NUP133: variants seen among roughly 807,000 people sequenced by gnomAD.
NUP133 encodes the protein nuclear pore complex protein Nup133.
A neutral mutation model predicts 146.2 loss-of-function variants in NUP133; 66 were observed. That is an observed-to-expected ratio of 0.45 (90% CI 0.37 to 0.55). The LOEUF (loss-of-function observed/expected upper bound fraction) is 0.55, where lower values mean the gene tolerates loss of function less well. NUP133 is among the 20% of genes least tolerant of loss of function. The pLI is 0.00. For synonymous variants in NUP133, 521 were observed against 498.8 expected (o/e 1.04, Z -0.59); for missense variants, 1,277 against 1,374.8 (o/e 0.93, Z 1.12).
At chr1:229,452,749 G>T in intron 21 of NUP133, 106 bp from the exon 22 acceptor site, 1 of 709,958 alleles carries the variant, frequency 1.4e-6, no homozygotes, top group Non-Finnish European at 2.3e-6. Context: ...GAAAAAAATA[G>T]CTCCAGAGGT....
chr1:229,504,345 T>G (rs370850881), intron 2 of NUP133, among the ~76,000 whole-genome samples: 1 of 152,192 alleles, frequency 6.6e-6, no homozygotes, highest in African/African-American at 2.4e-5. Context: ...TGAAAAATAC[T>G]GTTCCAGAAA....
rs537541035 is a variant in NUP133 at position 229,508,165 on chromosome 1, G to T, written c.85C>A (p.Pro29Thr). Reference sequence around the variant, plus strand: ...AGACCCTTCCTGCTAGCCGTCCGGGGCGTGGAGCCGGGCCCGAGTCCGGCC... The same window carrying T: ...AGACCCTTCCTGCTAGCCGTCCGGGTCGTGGAGCCGGGCCCGAGTCCGGCC... ...PLAGLGPGSTPRTASRKGLPL... is the reference protein window; with the variant it reads ...PLAGLGPGSTTRTASRKGLPL... The change falls in exon 1 of 26, where the codon CCC becomes ACC. Residue 29 changes from proline (P) to threonine (T), a missense_variant. Transcript: ENST00000261396. 1.9e-6 allele frequency: 3 copies of T among 1,593,704 alleles called. No individual in the cohort carries two copies. The highest frequency in any genetic ancestry group is 2.6e-6 in the Non-Finnish European group (3 of 1,171,738).
chr1:229,486,031 G>A (rs1195303824), intron 11 of NUP133, among the ~76,000 whole-genome samples: 8 of 151,976 alleles, frequency 5.3e-5, no homozygotes, highest in African/African-American at 1.7e-4. Context: ...GTGAGATGGC[G>A]CATGTCTGTA....
intron 11 of NUP133, among the ~76,000 whole-genome samples, chr1:229,484,957 C>A (rs1437816507): frequency 1.3e-5 from 2 of 152,062 alleles, no homozygotes; most frequent in Non-Finnish European, 2.9e-5. Context: ...TACACTTAAT[C>A]ACTTTAATTT....
At chr1:229,498,432 T>C (rs1039419267) in intron 5 of NUP133, 126 bp from the exon 6 acceptor site, 19 of 607,418 alleles carry the variant, frequency 3.1e-5, no homozygotes, top group African/African-American at 2.9e-4. Context: ...AAATAGAACG[T>C]TGTTATTTTA....
intron 4 of NUP133, 146 bp downstream of exon 4, chr1:229,500,610 T>C (rs1661771933): frequency 5.6e-6 from 3 of 535,348 alleles, no homozygotes; most frequent in Non-Finnish European, 1.0e-5. Context: ...CACTGACCTA[T>C]GTGTGTAGCT....
chr1:229,469,628 G>C (rs1287947781), intron 15 of NUP133, among the ~76,000 whole-genome samples: 1 of 152,240 alleles, frequency 6.6e-6, no homozygotes, highest in East Asian at 1.9e-4. Context: ...AGAGAAAGCA[G>C]TTGGACAGGA....
chr1:229,501,834 T>C (rs1661808490), intron 3 of NUP133, among the ~76,000 whole-genome samples, 165 bp downstream of exon 3: 1 of 152,202 alleles, frequency 6.6e-6, no homozygotes, highest in African/African-American at 2.4e-5. Flanking sequence ...TACACAAATG[T>C]GTATGCATGC....
intron 2 of NUP133, among the ~76,000 whole-genome samples, chr1:229,502,429 C>T (rs1055850090): frequency 6.6e-6 from 1 of 151,554 alleles, no homozygotes; most frequent in Non-Finnish European, 1.5e-5. Flanking sequence ...TGTGGTGGCA[C>T]GTGCCTGTAG....
Position 229,440,628 on chromosome 1 carries a change from G to C in NUP133, c.*1276C>G, listed in dbSNP as rs187678158. ...ACGTAAAAGCAAAGCCTCATCTTACGATACAAGTACTCAGCGGTTTCTTAC... is the reference window on the plus strand; with the variant it reads ...ACGTAAAAGCAAAGCCTCATCTTACCATACAAGTACTCAGCGGTTTCTTAC... On this transcript the variant is annotated 3_prime_UTR_variant, in exon 26 of 26. Transcript: ENST00000261396. The C allele has an allele frequency of 1.3e-5, 2 of 152,248 alleles. No homozygotes were observed. Among genetic ancestry groups the C allele is most frequent in the Non-Finnish European group, 2.9e-5 (2 of 68,084 alleles). 9.4% of individuals were successfully genotyped at this position (152,248 alleles called of 1,614,324 possible).
chr1:229,461,978 G>C (rs1660703108), intron 19 of NUP133, among the ~76,000 whole-genome samples: 1 of 151,666 alleles, frequency 6.6e-6, no homozygotes, highest in Non-Finnish European at 1.5e-5. Flanking sequence ...CCTCCTTTTG[G>C]GTTCAAGGGA....
At chr1:229,494,022 T>C (rs1222961239) in intron 8 of NUP133, among the ~76,000 whole-genome samples, 1 of 152,004 alleles carries the variant, frequency 6.6e-6, no homozygotes, top group East Asian at 1.9e-4. Flanking sequence ...TCCCAGCTAC[T>C]TGGGAGGCTG....
chr1:229,487,381 G>C (rs1035475808), intron 10 of NUP133, 85 bp downstream of exon 10: 2 of 1,294,640 alleles, frequency 1.5e-6, no homozygotes, highest in African/African-American at 1.5e-5. Context: ...CAGCATGCTT[G>C]AAGTGACATT....
rs745789803 is a variant in NUP133 at position 229,487,532 on chromosome 1, A to G, written c.1276T>C (p.Tyr426His). 6.2e-6 allele frequency: 10 copies of G among 1,613,892 alleles called. No homozygotes were observed. In the South Asian group the frequency reaches 9.9e-5, roughly 16 times the overall value. The change falls in exon 10 of 26, where the codon TAT (tyrosine) becomes CAT (histidine). Residue 426 changes from tyrosine (Y) to histidine (H), a missense_variant. By Grantham distance (83) the Tyr-to-His change is moderately conservative. This residue lies in a region of NUP133 where 952 missense variants were observed against 1,047.0 expected (regional missense o/e 0.91). Coordinates refer to ENST00000261396, the MANE Select transcript of NUP133 (RefSeq NM_018230.3). ...TAYLYNESAV[Y>H]VCSTGTGKFS... ...TTCCCAGTTCCTGTGGAGCACACAT[A>G]GACAGCACTTTCGTTATACAGATAG...
chr1:229,472,904 C>T (rs977022904), intron 14 of NUP133, among the ~76,000 whole-genome samples: 1 of 151,756 alleles, frequency 6.6e-6, no homozygotes, highest in Non-Finnish European at 1.5e-5. Flanking sequence ...GGATATGGCC[C>T]TGCAGATGCC....
At chr1:229,490,145 A>T in intron 8 of NUP133, 43 bp from the exon 9 acceptor site, 1 of 1,443,822 alleles carries the variant, frequency 6.9e-7, no homozygotes, top group Non-Finnish European at 9.2e-7. Flanking sequence ...TCTAAAAAAC[A>T]ACTTAGGAGT....
At chr1:229,491,678 T>C (rs1439197439) in intron 8 of NUP133, among the ~76,000 whole-genome samples, 1 of 152,124 alleles carries the variant, frequency 6.6e-6, no homozygotes, top group Non-Finnish European at 1.5e-5. Flanking sequence ...CTCGGGAGGC[T>C]GAGGCATGAG....
chr1:229,458,944 A>G (rs143382809), intron 20 of NUP133, among the ~76,000 whole-genome samples: 1 of 152,260 alleles, frequency 6.6e-6, no homozygotes, highest in African/African-American at 2.4e-5. Flanking sequence ...TTTTATGCAA[A>G]TTATGTGGGA....
In NUP133 at chr1:229,502,104, TA is replaced by T; in HGVS notation, c.302-3del. ...TGTTAATGGTCAGCTGGTCATCGAC[TA>T]AAGGAAAAAATGAGGTGGGTGATTA... On this transcript the variant is annotated splice_region_variant and splice_polypyrimidine_tract_variant and intron_variant, in intron 2 of 25. Coordinates refer to ENST00000261396, the MANE Select transcript of NUP133 (RefSeq NM_018230.3). 6.2e-7 allele frequency: 1 copy of T among 1,609,176 alleles called. No individual in the cohort carries two copies. The highest frequency in any genetic ancestry group is 1.1e-5 in the South Asian group (1 of 90,874).
Sources: allele counts gnomAD v4.1 joint callset (sites outside exome capture counted in the v4.1 genomes callset), GRCh38; gene constraint gnomAD v4.1.1; regional missense constraint gnomAD v4.1.1; transcripts MANE v1.5; gene names NCBI Gene and HGNC (gene_info 2026-07-23, HGNC 2026-07-21).